The following ARHGAP5 variants were observed in gnomAD, a reference collection of about 807,000 sequenced individuals.
ARHGAP5 encodes rho GTPase-activating protein 5.
In ARHGAP5, 23 loss-of-function variants were observed where a neutral mutation model predicts 116.6. That is an observed-to-expected ratio of 0.20 (90% confidence interval 0.14 to 0.28). The LOEUF is 0.28. Among genes scored for constraint, ARHGAP5 ranks in the 10% least tolerant of loss-of-function variants. The pLI, the probability that ARHGAP5 is intolerant of heterozygous loss-of-function variation, is 1.00. For missense variants in ARHGAP5, 1,405 were observed against 1,774.8 expected, an observed-to-expected ratio of 0.79 and a Z score of 3.74; for synonymous variants, 574 against 602.0, an observed-to-expected ratio of 0.95 and a Z score of 0.68.
chr14:32,121,974 T>C (rs1305200322), intron 3 of ARHGAP5, among the ~76,000 whole-genome samples: 2 of 152,252 alleles, frequency 1.3e-5, no homozygotes, highest in Admixed American at 6.5e-5. Flanking sequence ...GTTTCTACTT[T>C]TTAACTTGTG....
chr14:32,144,470 TTATTTA>T (rs1432238931), intron 3 of ARHGAP5, among the ~76,000 whole-genome samples: 2 of 151,764 alleles, frequency 1.3e-5, no homozygotes, highest in African/African-American at 2.4e-5. Flanking sequence ...TTCTATTCAT[TTATTTA>T]TATTTATATT....
chr14:32,094,314 A>G lies in ARHGAP5; in HGVS notation c.3645A>G (p.Ala1215=), dbSNP rs377181913. The change falls in exon 2 of 7, where the codon GCA becomes GCG. Residue 1215 remains alanine, a synonymous_variant. Transcript: ENST00000345122. ...ETWKGGIDNP[A]ITSDQELDDK... ...GGAAAGGTGGTATTGATAATCCTGC[A>G]ATCACTTCTGACCAGGAGTTAGATG... is the stretch of plus-strand genomic sequence containing the variant. The G allele has an allele frequency of 6.2e-7, 1 of 1,612,784 alleles. No homozygotes were observed. The highest frequency in any genetic ancestry group is 8.5e-7 in the Non-Finnish European group (1 of 1,179,626).
At chr14:32,108,907 C>A (rs374711440) in intron 2 of ARHGAP5, among the ~76,000 whole-genome samples, 3 of 152,110 alleles carry the variant, frequency 2.0e-5, no homozygotes, top group African/African-American at 7.2e-5. Flanking sequence ...AGTGCTTATT[C>A]TTAATTTGGG....
intron 3 of ARHGAP5, among the ~76,000 whole-genome samples, chr14:32,141,283 TAGG>T (rs577406340): frequency 2.6e-4 from 40 of 152,326 alleles, no homozygotes; most frequent in African/African-American, 8.9e-4. Context: ...TCTGTCTTAA[TAGG>T]AGATTTCAAA....
intron 3 of ARHGAP5, among the ~76,000 whole-genome samples, chr14:32,137,734 A>C (rs1263054457): frequency 6.6e-6 from 1 of 152,072 alleles, no homozygotes; most frequent in Non-Finnish European, 1.5e-5. Flanking sequence ...GCACTCTGGG[A>C]GGCTGAGGTG....
chr14:32,147,678 TG>T lies in ARHGAP5; in HGVS notation c.3943+1344del, dbSNP rs527924965. Reference sequence around the variant, plus strand: ...TGTAAGTTTTTTTTAAAAGGGGTGTTGGGGGGTACCACTCAGGTCTAATAAG... The same window carrying T: ...TGTAAGTTTTTTTTAAAAGGGGTGTTGGGGGTACCACTCAGGTCTAATAAG... On this transcript the variant is annotated intron_variant, in intron 4 of 6. Coordinates refer to ENST00000345122, the MANE Select transcript of ARHGAP5 (RefSeq NM_001030055.2). 6.6e-5 allele frequency among the ~76,000 whole-genome samples: 10 copies of T among 152,132 alleles called. No individual in the cohort carries two copies. In the South Asian group the frequency reaches 1.7e-3, roughly 25 times the overall value.
chr14:32,104,206 A>G (rs1878909456), intron 2 of ARHGAP5, among the ~76,000 whole-genome samples: 1 of 152,182 alleles, frequency 6.6e-6, no homozygotes, highest in Admixed American at 6.5e-5. Context: ...CATTCACTTG[A>G]ATAGTTAGTT....
intron 2 of ARHGAP5, among the ~76,000 whole-genome samples, chr14:32,101,652 CAA>C (rs779208798): frequency 1.0e-4 from 10 of 97,630 alleles, no homozygotes; most frequent in Admixed American, 2.1e-4. Flanking sequence ...TTGTGAAGGC[CAA>C]AAAAAAAAAA....
intron 2 of ARHGAP5, among the ~76,000 whole-genome samples, chr14:32,111,251 A>G (rs1274845614): frequency 6.6e-6 from 1 of 152,230 alleles, no homozygotes; most frequent in Non-Finnish European, 1.5e-5. Flanking sequence ...GTACAGAGCA[A>G]GATGCTGTCT....
rs1261713320 is a variant in ARHGAP5, at chr14:32,093,526, A to G, written c.2857A>G (p.Asn953Asp). The G allele has an allele frequency of 6.2e-7, 1 of 1,613,624 alleles. No individual in the cohort carries two copies. Among genetic ancestry groups the G allele is most frequent in the Non-Finnish European group, 8.5e-7 (1 of 1,179,802 alleles). The stretch of plus-strand genomic sequence containing the variant: ...GATAGAAAATTCTTATTTGTCTGAT[A>G]ATACAAGGGAATCAACCCATCAAAG... ...NMIENSYLSD[N>D]TRESTHQSED... Residue 953 changes from asparagine (N) to aspartate (D), a missense_variant, in exon 2 of 7, where the codon AAT becomes GAT. Asn to Asp is a conservative substitution (Grantham distance 23). This residue lies in a region of ARHGAP5 where 944 missense variants were observed against 1,095.3 expected (regional missense o/e 0.86). Coordinates refer to ENST00000345122, the MANE Select transcript of ARHGAP5 (RefSeq NM_001030055.2).
chr14:32,117,191 A>G lies in ARHGAP5; in HGVS notation c.3769A>G (p.Ser1257Gly), dbSNP rs916317808. 3 of 1,611,978 alleles carry G rather than the reference A, an allele frequency of 1.9e-6. No individual in the cohort carries two copies. Among genetic ancestry groups the G allele is most frequent in the Non-Finnish European group, 2.5e-6 (3 of 1,178,882 alleles). The change falls in exon 3 of 7, where the codon AGT becomes GGT. Residue 1257 changes from serine (S) to glycine (G), a missense_variant. Around this residue, in one of 6 missense-constraint regions of ARHGAP5, gnomAD observed 176 missense variants for 221.2 expected, o/e 0.80. Coordinates refer to ENST00000345122, the MANE Select transcript of ARHGAP5 (RefSeq NM_001030055.2). ...TCCACCAACACGTAGAAATTGGGAA[A>G]GTAATTACTTTGGGATGCCCCTCCA... ...FNPPTRRNWE[S>G]NYFGMPLQDL...
intron 3 of ARHGAP5, among the ~76,000 whole-genome samples, chr14:32,130,889 A>G (rs377365902): frequency 1.3e-5 from 2 of 152,190 alleles, no homozygotes; most frequent in Non-Finnish European, 2.9e-5. Context: ...TTACAAGAAT[A>G]GTATGATTGA....
chr14:32,129,463 G>C (rs777234418), intron 3 of ARHGAP5, among the ~76,000 whole-genome samples: 1 of 152,178 alleles, frequency 6.6e-6, no homozygotes, highest in Non-Finnish European at 1.5e-5. Flanking sequence ...GGTAAAAGTG[G>C]ATTAGAAGGA....
chr14:32,146,724 T>A (rs771309874), intron 4 of ARHGAP5, among the ~76,000 whole-genome samples: 2 of 152,106 alleles, frequency 1.3e-5, no homozygotes, highest in Non-Finnish European at 2.9e-5. Context: ...ATTTTTAATG[T>A]AAGTATGAAG....
intron 4 of ARHGAP5, among the ~76,000 whole-genome samples, chr14:32,147,386 A>G (rs1881426585): frequency 1.3e-5 from 2 of 152,356 alleles, no homozygotes; most frequent in East Asian, 3.9e-4. Flanking sequence ...AGAGCAACCA[A>G]TAAATACATG....
intron 1 of ARHGAP5, among the ~76,000 whole-genome samples, chr14:32,083,771 T>C (rs1379643383): frequency 6.6e-6 from 1 of 152,220 alleles, no homozygotes; most frequent in East Asian, 1.9e-4. Flanking sequence ...CTCTACTATA[T>C]GGCATTGTAA....
At chr14:32,102,798 C>G (rs1186281822) in intron 2 of ARHGAP5, among the ~76,000 whole-genome samples, 1 of 152,132 alleles carries the variant, frequency 6.6e-6, no homozygotes, top group Non-Finnish European at 1.5e-5. Context: ...ATGTGTTTAA[C>G]TACAATTTAT....
At chr14:32,095,416 G>GTTTT (rs569892479) in intron 2 of ARHGAP5, among the ~76,000 whole-genome samples, 3 of 101,402 alleles carry the variant, frequency 3.0e-5, no homozygotes, top group Admixed American at 1.0e-4. Context: ...TTTTTTTTTT[G>GTTTT]TTTTTTTTTT....
chr14:32,109,333 C>T (rs180763483), intron 2 of ARHGAP5, among the ~76,000 whole-genome samples: 103 of 152,002 alleles, frequency 6.8e-4, no homozygotes, highest in African/African-American at 2.3e-3. Flanking sequence ...AATTTATGTA[C>T]TTCATATTTT....
Sources: gnomAD v4.1 joint callset for allele counts (sites outside exome capture counted in the v4.1 genomes callset) on GRCh38, gnomAD v4.1.1 for gene constraint, gnomAD v4.1.1 regional missense constraint, MANE v1.5 for transcripts, NCBI Gene and HGNC (gene_info 2026-07-23, HGNC 2026-07-21) for gene names.